The following MSRA variants were observed in gnomAD, a reference collection of about 807,000 sequenced individuals.
MSRA encodes the protein methionine sulfoxide reductase A, also known as mitochondrial peptide methionine sulfoxide reductase.
A neutral mutation model predicts 31.3 loss-of-function variants in MSRA; 54 were observed. The observed-to-expected ratio is 1.73, with a 90% CI of 1.39 to 2.17. MSRA has a LOEUF of 2.17. Ranked by LOEUF, MSRA falls within the 30% of genes most tolerant of loss-of-function variation. MSRA has a pLI of 0.00. For synonymous variants in MSRA, 169 were observed against 116.5 expected, an observed-to-expected ratio of 1.45 and a Z score of -2.90; for missense variants, 507 against 300.9, an observed-to-expected ratio of 1.69 and a Z score of -5.07.
intron 5 of MSRA, among the ~76,000 whole-genome samples, chr8:10,421,615 A>G (rs554600284): frequency 3.3e-5 from 5 of 152,230 alleles, no homozygotes; most frequent in African/African-American, 1.2e-4. Flanking sequence ...TCACATGTTC[A>G]TTACATTTAT....
At chr8:10,262,784 G>T (rs185293081) in intron 3 of MSRA, among the ~76,000 whole-genome samples, 4 of 152,314 alleles carry the variant, frequency 2.6e-5, no homozygotes, top group Admixed American at 2.6e-4. Context: ...GGCTCTGTTA[G>T]TCTCAATATT....
At chr8:10,212,940 G>A (rs1809637407) in intron 2 of MSRA, among the ~76,000 whole-genome samples, 2 of 151,928 alleles carry the variant, frequency 1.3e-5, no homozygotes, top group Admixed American at 1.3e-4. Context: ...TATTTATGGG[G>A]CATGTGAGAT....
At chr8:10,245,566 G>C (rs1797580660) in intron 3 of MSRA, among the ~76,000 whole-genome samples, 1 of 152,228 alleles carries the variant, frequency 6.6e-6, no homozygotes. Context: ...TTGCTCATGT[G>C]GCTAAGGTCA....
chr8:10,177,852 A>C lies in MSRA; in HGVS notation c.143-29981A>C, dbSNP rs141036525. On this transcript the variant is annotated intron_variant, in intron 1 of 5. Transcript: ENST00000317173. ...ACCTGCAAAACATTTGTTTCAATTGAATTTGTCTATCTATAGTTGATGTAG... is the reference window on the plus strand; with the variant it reads ...ACCTGCAAAACATTTGTTTCAATTGCATTTGTCTATCTATAGTTGATGTAG... 4.8e-3 allele frequency among the ~76,000 whole-genome samples: 727 copies of C among 152,302 alleles called. 4 individuals carry two copies. Among genetic ancestry groups the C allele is most frequent in the Middle Eastern group, 0.024 (7 of 294 alleles).
intron 1 of MSRA, among the ~76,000 whole-genome samples, chr8:10,162,939 A>C (rs112984888): frequency 2.0e-5 from 3 of 152,130 alleles, no homozygotes; most frequent in African/African-American, 7.2e-5. Flanking sequence ...TAAAGTTTGC[A>C]CCTCTCCAAA....
chr8:10,167,523 A>G (rs554927960), intron 1 of MSRA, among the ~76,000 whole-genome samples: 6 of 152,296 alleles, frequency 3.9e-5, no homozygotes, highest in African/African-American at 1.4e-4. Context: ...ATCTGGATGA[A>G]TATGCCTGTG....
chr8:10,061,580 A>T (rs564967017), intron 1 of MSRA, among the ~76,000 whole-genome samples: 1 of 152,270 alleles, frequency 6.6e-6, no homozygotes, highest in East Asian at 1.9e-4. Context: ...CTTCACCAAG[A>T]GTGCTGCCCA....
chr8:10,189,879 G>A (rs981898323), intron 1 of MSRA, among the ~76,000 whole-genome samples: 1 of 152,072 alleles, frequency 6.6e-6, no homozygotes, highest in Non-Finnish European at 1.5e-5. Context: ...TTTTCAAGGC[G>A]TTTACATAGG....
At chr8:10,211,843 C>G (rs1809528276) in intron 2 of MSRA, among the ~76,000 whole-genome samples, 1 of 152,094 alleles carries the variant, frequency 6.6e-6, no homozygotes, top group South Asian at 2.1e-4. Flanking sequence ...GGGTTCCAGC[C>G]TCTGCAGAAG....
intron 5 of MSRA, among the ~76,000 whole-genome samples, chr8:10,339,682 C>T (rs1466203341): frequency 9.9e-5 from 15 of 151,948 alleles, no homozygotes; most frequent in Admixed American, 9.8e-4. Context: ...GGTGGGGCTA[C>T]AGGTGCCTGC....
chr8:10,207,248 G>C (rs1809076580), intron 1 of MSRA, among the ~76,000 whole-genome samples: 1 of 152,170 alleles, frequency 6.6e-6, no homozygotes, highest in Non-Finnish European at 1.5e-5. Context: ...TGGGTGGGGG[G>C]ATAAGGAGCT....
rs896484633 is a variant in MSRA at position 10,054,761 on chromosome 8, C to T, written c.142+103C>T. 6 of 1,266,246 alleles carry T rather than the reference C, an allele frequency of 4.7e-6. No homozygotes were observed. In the African/African-American group the frequency reaches 7.8e-5, roughly 17 times the overall value. The allele number at this position is 1,266,246 out of a possible 1,614,324, so 78.4% of individuals were successfully genotyped here. ...GCCCGGAAGGAAGCCGTGGGCTGGCCTCGGGCGGGTCGCGGGGTGGGGGTC... is the reference window on the plus strand; with the variant it reads ...GCCCGGAAGGAAGCCGTGGGCTGGCTTCGGGCGGGTCGCGGGGTGGGGGTC... On this transcript the variant is annotated intron_variant, in intron 1 of 5. Coordinates refer to ENST00000317173, the MANE Select transcript of MSRA (RefSeq NM_012331.5).
At chr8:10,148,957 ATTTT>A (rs34442171) in intron 1 of MSRA, among the ~76,000 whole-genome samples, 3 of 136,382 alleles carry the variant, frequency 2.2e-5, no homozygotes, top group Non-Finnish European at 1.6e-5. Context: ...TCGCTGGTAA[ATTTT>A]TTTTTTTTTT....
At chr8:10,286,746 A>G (rs1415003032) in intron 3 of MSRA, among the ~76,000 whole-genome samples, 1 of 152,206 alleles carries the variant, frequency 6.6e-6, no homozygotes, top group Admixed American at 6.5e-5. Flanking sequence ...GTCTCCTATC[A>G]TTGGCTTCAA....
chr8:10,161,385 T>A (rs1804632634), intron 1 of MSRA, among the ~76,000 whole-genome samples: 1 of 152,206 alleles, frequency 6.6e-6, no homozygotes, highest in African/African-American at 2.4e-5. Context: ...CATTAGGTAC[T>A]TGGGTGATGA....
intron 5 of MSRA, among the ~76,000 whole-genome samples, chr8:10,382,159 C>T (rs1296041522): frequency 1.3e-5 from 2 of 152,178 alleles, no homozygotes; most frequent in Non-Finnish European, 2.9e-5. Context: ...AGGCCTTTGG[C>T]TGTGGTTGAG....
intron 1 of MSRA, among the ~76,000 whole-genome samples, chr8:10,156,565 C>G: frequency 6.6e-6 from 1 of 151,564 alleles, no homozygotes; most frequent in Middle Eastern, 3.4e-3. Flanking sequence ...TGAAAATAAA[C>G]AATAAGTAAA....
At chr8:10,178,751 C>G (rs573406413) in intron 1 of MSRA, among the ~76,000 whole-genome samples, 2 of 152,232 alleles carry the variant, frequency 1.3e-5, no homozygotes, top group African/African-American at 4.8e-5. Flanking sequence ...ATTGGAAACT[C>G]TCAATTTTGT....
chr8:10,055,302 G>C (rs545749189), intron 1 of MSRA, among the ~76,000 whole-genome samples: 1 of 152,244 alleles, frequency 6.6e-6, no homozygotes, highest in Non-Finnish European at 1.5e-5. Context: ...TCTCACATCA[G>C]TACTTTGGGA....
Sources: allele counts gnomAD v4.1 joint callset (sites outside exome capture counted in the v4.1 genomes callset), GRCh38; gene constraint gnomAD v4.1.1; transcripts MANE v1.5; gene names NCBI Gene and HGNC (gene_info 2026-07-23, HGNC 2026-07-21).